Variants in EPHA3 observed in about 807,000 individuals in gnomAD.
EPHA3 encodes the protein ephrin type-A receptor 3.
In EPHA3, 42 loss-of-function variants were observed where a neutral mutation model predicts 107.1. The ratio of observed to expected loss-of-function variants is 0.39; its 90% CI spans 0.31 to 0.51. EPHA3 has a LOEUF of 0.51. Ranked by LOEUF, EPHA3 falls within the 20% of genes least tolerant of loss-of-function variation. The pLI, the probability that EPHA3 is intolerant of heterozygous loss-of-function variation, is 0.78. For missense variants in EPHA3, 1,183 were observed against 1,211.2 expected, an observed-to-expected ratio of 0.98 and a Z score of 0.35; for synonymous variants, 461 against 424.8, an observed-to-expected ratio of 1.09 and a Z score of -1.05.
At chr3:89,334,477 T>A (rs1271588601) in intron 3 of EPHA3, among the ~76,000 whole-genome samples, 1 of 152,230 alleles carries the variant, frequency 6.6e-6, no homozygotes, top group Non-Finnish European at 1.5e-5. Flanking sequence ...ATACAGGGTA[T>A]TAACATTTTA....
At chr3:89,419,642 G>T (rs917400229) in intron 11 of EPHA3, among the ~76,000 whole-genome samples, 3 of 151,396 alleles carry the variant, frequency 2.0e-5, no homozygotes, top group Admixed American at 6.6e-5. Flanking sequence ...ACCATTTAAA[G>T]GTACGCTGAT....
intron 5 of EPHA3, among the ~76,000 whole-genome samples, chr3:89,376,200 G>T (rs1446340766): frequency 6.6e-6 from 1 of 151,732 alleles, no homozygotes; most frequent in African/African-American, 2.4e-5. Context: ...ATGCTTTATT[G>T]AATTAAATGC....
At chr3:89,290,136 G>A (rs1438085325) in intron 3 of EPHA3, among the ~76,000 whole-genome samples, 1 of 152,070 alleles carries the variant, frequency 6.6e-6, no homozygotes, top group East Asian at 1.9e-4. Context: ...GTTCCTTTCT[G>A]GAGGTTTTAT....
At chr3:89,270,392 GTGTC>G in intron 3 of EPHA3, among the ~76,000 whole-genome samples, 1 of 151,912 alleles carries the variant, frequency 6.6e-6, no homozygotes, top group Middle Eastern at 3.2e-3. Flanking sequence ...CTACTCATTT[GTGTC>G]TGTCTGTCTT....
intron 3 of EPHA3, among the ~76,000 whole-genome samples, chr3:89,248,400 C>T (rs1474308248): frequency 6.6e-6 from 1 of 152,154 alleles, no homozygotes; most frequent in African/African-American, 2.4e-5. Flanking sequence ...TTTTAATCCC[C>T]ACAATTTGGG....
At chr3:89,241,419 T>C (rs1468452040) in intron 3 of EPHA3, among the ~76,000 whole-genome samples, 1 of 152,186 alleles carries the variant, frequency 6.6e-6, no homozygotes, top group East Asian at 1.9e-4. Flanking sequence ...ATGATTTTCT[T>C]ATATTTTAGC....
At chr3:89,281,749 G>T (rs1482877232) in intron 3 of EPHA3, among the ~76,000 whole-genome samples, 1 of 152,124 alleles carries the variant, frequency 6.6e-6, no homozygotes, top group African/African-American at 2.4e-5. Context: ...TTTACATTTT[G>T]CCTTTCTGCA....
intron 3 of EPHA3, among the ~76,000 whole-genome samples, chr3:89,290,941 C>A (rs1482581873): frequency 6.6e-6 from 1 of 152,034 alleles, no homozygotes; most frequent in African/African-American, 2.4e-5. Context: ...AAGAAAAGAA[C>A]AATGAATACC....
chr3:89,238,147 C>T (rs537248204), intron 3 of EPHA3, among the ~76,000 whole-genome samples: 5 of 152,152 alleles, frequency 3.3e-5, no homozygotes, highest in East Asian at 3.9e-4. Flanking sequence ...CTTTAAATAA[C>T]GGGTATTCAC....
chr3:89,293,747 A>G (rs1450568943), intron 3 of EPHA3, among the ~76,000 whole-genome samples: 4 of 152,092 alleles, frequency 2.6e-5, no homozygotes, highest in Admixed American at 2.6e-4. Context: ...CCACGATTGT[A>G]AGTTTCCTGA....
chr3:89,466,793 C>A (rs1321256871), intron 15 of EPHA3, among the ~76,000 whole-genome samples: 2 of 134,774 alleles, frequency 1.5e-5, no homozygotes, highest in African/African-American at 5.6e-5. Flanking sequence ...CCGTCTTATG[C>A]GTCGCTCACG....
At chr3:89,252,937 T>C (rs1705197767) in intron 3 of EPHA3, among the ~76,000 whole-genome samples, 1 of 151,308 alleles carries the variant, frequency 6.6e-6, no homozygotes, top group Admixed American at 6.6e-5. Flanking sequence ...CAAAACATTG[T>C]CTGAATTTAG....
intron 3 of EPHA3, among the ~76,000 whole-genome samples, chr3:89,224,286 A>T (rs149075008): frequency 6.6e-6 from 1 of 152,326 alleles, no homozygotes; most frequent in Non-Finnish European, 1.5e-5. Flanking sequence ...TGGCTGAGTG[A>T]TCATGCGGTT....
intron 3 of EPHA3, among the ~76,000 whole-genome samples, chr3:89,241,127 T>A (rs1704884301): frequency 6.6e-6 from 1 of 151,940 alleles, no homozygotes; most frequent in Non-Finnish European, 1.5e-5. Flanking sequence ...AATATAAACA[T>A]TAAAAAAACA....
chr3:89,349,793 C>G (rs1326674715), intron 5 of EPHA3, among the ~76,000 whole-genome samples: 36 of 148,916 alleles, frequency 2.4e-4, no homozygotes, highest in South Asian at 4.3e-4. Flanking sequence ...CCTTCAGGAG[C>G]TCTTTTAGGG....
chr3:89,333,175 T>G lies in EPHA3; in HGVS notation c.815-7741T>G, dbSNP rs145039409. ...CCATAATGATTATTCATTGTATAGGTAGTGCTCATAATACTCCCTGTTTCA... is the reference window on the plus strand; with the variant it reads ...CCATAATGATTATTCATTGTATAGGGAGTGCTCATAATACTCCCTGTTTCA... On this transcript the variant is annotated intron_variant, in intron 3 of 16. Coordinates refer to ENST00000336596, the MANE Select transcript of EPHA3 (RefSeq NM_005233.6). Among the ~76,000 whole-genome samples, 356 of 152,300 alleles carry G rather than the reference T, an allele frequency of 2.3e-3. 3 individuals carry two copies. Among genetic ancestry groups the G allele is most frequent in the African/African-American group, 8.3e-3 (344 of 41,566 alleles).
At chr3:89,287,999 C>T (rs1706129245) in intron 3 of EPHA3, among the ~76,000 whole-genome samples, 1 of 151,820 alleles carries the variant, frequency 6.6e-6, no homozygotes, top group Admixed American at 6.6e-5. Context: ...GTTATGCCTA[C>T]CTGACAGGAA....
intron 15 of EPHA3, among the ~76,000 whole-genome samples, chr3:89,460,713 A>T (rs1394233602): frequency 6.8e-6 from 1 of 147,576 alleles, no homozygotes; most frequent in Admixed American, 6.8e-5. Flanking sequence ...AATGACTTTG[A>T]CCTCAAATTC....
rs1297495664 is a variant in EPHA3, at chr3:89,346,451, T to A, written c.1306+4361T>A. Reference sequence around the variant, plus strand: ...GTGTCTGTTCATGTCCTTCACCCACTTTTTGATGGGGTTGTTTGTTTTTTT... The same window carrying A: ...GTGTCTGTTCATGTCCTTCACCCACATTTTGATGGGGTTGTTTGTTTTTTT... On this transcript the variant is annotated intron_variant, in intron 5 of 16. Coordinates refer to ENST00000336596, the MANE Select transcript of EPHA3 (RefSeq NM_005233.6). Among the ~76,000 whole-genome samples, 11 of 147,872 alleles carry A rather than the reference T, an allele frequency of 7.4e-5. No individual in the cohort carries two copies. In the South Asian group the frequency reaches 8.5e-4, roughly 11 times the overall value.
Sources: allele counts gnomAD v4.1 joint callset (sites outside exome capture counted in the v4.1 genomes callset), GRCh38; gene constraint gnomAD v4.1.1; transcripts MANE v1.5; gene names NCBI Gene and HGNC (gene_info 2026-07-23, HGNC 2026-07-21).